ITSN2: variants seen among roughly 807,000 people sequenced by gnomAD.
The protein encoded by ITSN2 is intersectin 2, also known as intersectin-2.
In ITSN2, 156 loss-of-function variants were observed where a neutral mutation model predicts 243.7. That is an observed-to-expected ratio of 0.64 (90% CI 0.56 to 0.73). The LOEUF (loss-of-function observed/expected upper bound fraction) is 0.73, where lower values mean the gene tolerates loss of function less well. ITSN2 is among the 30% of genes least tolerant of loss of function. ITSN2 has a pLI of 0.00. For synonymous variants in ITSN2, 703 were observed against 699.9 expected, an observed-to-expected ratio of 1.00 and a Z score of -0.07; for missense variants, 1,801 against 1,996.1, an observed-to-expected ratio of 0.90 and a Z score of 1.86.
intron 17 of ITSN2, among the ~76,000 whole-genome samples, chr2:24,281,249 C>G (rs1346635475): frequency 6.6e-6 from 1 of 152,176 alleles, no homozygotes; most frequent in Non-Finnish European, 1.5e-5. Context: ...AGGCTGGTCT[C>G]AAACTACTGA....
intron 29 of ITSN2, chr2:24,240,879 T>A (rs1672650420): frequency 6.6e-6 from 1 of 152,252 alleles, no homozygotes; most frequent in Non-Finnish European, 1.5e-5. Context: ...TTGTATCAAC[T>A]AAGTACTCTC....
chr2:24,332,787 C>T (rs756850906), intron 1 of ITSN2, among the ~76,000 whole-genome samples: 11 of 152,122 alleles, frequency 7.2e-5, no homozygotes, highest in Non-Finnish European at 1.3e-4. Flanking sequence ...GAAAATGCAA[C>T]AGATACCAAA....
intron 2 of ITSN2, among the ~76,000 whole-genome samples, chr2:24,319,422 G>A (rs1351520717): frequency 6.6e-6 from 1 of 152,120 alleles, no homozygotes. Flanking sequence ...TAAATTGTTG[G>A]AAGCACCTTA....
intron 1 of ITSN2, among the ~76,000 whole-genome samples, chr2:24,351,652 G>C (rs1367449883): frequency 1.3e-5 from 2 of 152,162 alleles, no homozygotes; most frequent in African/African-American, 2.4e-5. Context: ...ACCATCCTGA[G>C]TAGCATGGTA....
chr2:24,289,530 C>G (rs919945864), intron 15 of ITSN2, among the ~76,000 whole-genome samples: 1 of 152,168 alleles, frequency 6.6e-6, no homozygotes, highest in East Asian at 1.9e-4. Context: ...CATATAGGAT[C>G]ATGTCATCTG....
intron 1 of ITSN2, among the ~76,000 whole-genome samples, chr2:24,348,607 T>C (rs554271735): frequency 6.6e-6 from 1 of 152,252 alleles, no homozygotes; most frequent in East Asian, 1.9e-4. Context: ...CATCCAGTGC[T>C]AAAAACTACA....
chr2:24,344,901 C>T (rs1558661248), intron 1 of ITSN2, among the ~76,000 whole-genome samples: 1 of 152,050 alleles, frequency 6.6e-6, no homozygotes, highest in Non-Finnish European at 1.5e-5. Flanking sequence ...GCAGTGAGCC[C>T]AGATTGCGCC....
rs535845593 is a variant in ITSN2 at position 24,225,805 on chromosome 2, G to A, written c.3578-4739C>T. Among the ~76,000 whole-genome samples, 3 of 152,284 alleles carry A rather than the reference G, an allele frequency of 2.0e-5. No individual in the cohort carries two copies. Among genetic ancestry groups the A allele is most frequent in the South Asian group, 4.1e-4 (2 of 4,828 alleles). On this transcript the variant is annotated intron_variant, in intron 29 of 39. Coordinates refer to ENST00000355123, the MANE Select transcript of ITSN2 (RefSeq NM_006277.3). This position sits in a 1 kb window ranked among gnomAD's most constrained non-coding sequence, Gnocchi z 4.2. ...TTGATGAGCTCAGGGTTCCCAACACGTATTTGACCACAGAATCCTCTTTTT... is the reference window on the plus strand; with the variant it reads ...TTGATGAGCTCAGGGTTCCCAACACATATTTGACCACAGAATCCTCTTTTT...
chr2:24,259,865 T>C (rs575940074), intron 22 of ITSN2, among the ~76,000 whole-genome samples: 1 of 152,256 alleles, frequency 6.6e-6, no homozygotes, highest in South Asian at 2.1e-4. Flanking sequence ...TGCTTTACAG[T>C]TATTTATATG....
At chr2:24,255,307 T>C (rs1045898015) in intron 23 of ITSN2, among the ~76,000 whole-genome samples, 23 of 152,330 alleles carry the variant, frequency 1.5e-4, no homozygotes, top group African/African-American at 5.5e-4. Context: ...CTATATATGG[T>C]TGTTGTTACT....
At chr2:24,299,874 T>C (rs374114121) in intron 12 of ITSN2, 35 bp downstream of exon 12, 52 of 1,513,094 alleles carry the variant, frequency 3.4e-5, no homozygotes, top group Non-Finnish European at 4.4e-5. Context: ...TTAAATGTAA[T>C]GATTTTCTTA....
At chr2:24,248,957 T>C in intron 25 of ITSN2, 75 bp from the exon 26 acceptor site, 1 of 1,379,502 alleles carries the variant, frequency 7.2e-7, no homozygotes, top group South Asian at 1.2e-5. Flanking sequence ...TTAATGGGAA[T>C]TAGAGATTTC....
chr2:24,358,763 C>T (rs1007630920), intron 1 of ITSN2, among the ~76,000 whole-genome samples: 3 of 152,136 alleles, frequency 2.0e-5, no homozygotes, highest in African/African-American at 7.2e-5. Flanking sequence ...CACTATTAAT[C>T]CAATCCCCAA....
chr2:24,318,567 G>A (rs1357835582), intron 2 of ITSN2, among the ~76,000 whole-genome samples: 2 of 152,198 alleles, frequency 1.3e-5, no homozygotes, highest in Non-Finnish European at 2.9e-5. Context: ...GTCACTGACT[G>A]TAGCTGTCTC....
intron 7 of ITSN2, 40 bp downstream of exon 7, chr2:24,310,244 A>T: frequency 7.9e-7 from 1 of 1,272,076 alleles, no homozygotes; most frequent in South Asian, 1.3e-5. Flanking sequence ...AAGACTTCTT[A>T]CTGAAAGCAT....
intron 15 of ITSN2, among the ~76,000 whole-genome samples, chr2:24,292,875 C>T (rs529302801): frequency 3.9e-5 from 6 of 152,188 alleles, no homozygotes; most frequent in South Asian, 2.1e-4. Context: ...TCAGAACTTG[C>T]GCAAAGAAGG....
intron 30 of ITSN2, among the ~76,000 whole-genome samples, chr2:24,219,951 A>T (rs919828379): frequency 1.1e-4 from 16 of 152,208 alleles, no homozygotes; most frequent in African/African-American, 3.9e-4. Context: ...GGAACACAGG[A>T]TGAAGGCTGC....
At chr2:24,207,814 C>G (rs1028424307) in intron 37 of ITSN2, among the ~76,000 whole-genome samples, 1 of 151,786 alleles carries the variant, frequency 6.6e-6, no homozygotes, top group Non-Finnish European at 1.5e-5. Flanking sequence ...TCTAGGCCCC[C>G]TGGCTGCAAA....
At chr2:24,298,613 A>G in intron 13 of ITSN2, 52 bp downstream of exon 13, 2 of 1,531,514 alleles carry the variant, frequency 1.3e-6, no homozygotes, top group Non-Finnish European at 1.8e-6. Flanking sequence ...ACATTTTTCA[A>G]CAGGTAGCTC....
Sources: allele counts gnomAD v4.1 joint callset (sites outside exome capture counted in the v4.1 genomes callset), GRCh38; gene constraint gnomAD v4.1.1; non-coding constraint Gnocchi (gnomAD v3.1); transcripts MANE v1.5; gene names NCBI Gene and HGNC (gene_info 2026-07-23, HGNC 2026-07-21).